SVEP1: variants seen among roughly 807,000 people sequenced by gnomAD.
SVEP1 encodes the protein sushi, von Willebrand factor type A, EGF and pentraxin domain containing 1, also known as sushi, von Willebrand factor type A, EGF and pentraxin domain-containing protein 1.
In SVEP1, 164 loss-of-function variants were observed where a neutral mutation model predicts 367.3. The ratio of observed to expected loss-of-function variants is 0.45; its 90% CI spans 0.39 to 0.51. SVEP1 has a LOEUF of 0.51. Among genes scored for constraint, SVEP1 ranks in the 20% least tolerant of loss-of-function variants. SVEP1 has a pLI of 0.00. For synonymous variants in SVEP1, 1,666 were observed against 1,611.6 expected (o/e 1.03, Z -0.81); for missense variants, 4,117 against 4,425.3 (o/e 0.93, Z 1.98).
chr9:110,448,306 C>T (rs769236465), intron 24 of SVEP1, among the ~76,000 whole-genome samples: 11 of 152,208 alleles, frequency 7.2e-5, no homozygotes, highest in Non-Finnish European at 1.5e-4. Flanking sequence ...CAGTACATGA[C>T]TTTTATTATT....
At chr9:110,390,166 T>C (rs1028050327) in intron 40 of SVEP1, among the ~76,000 whole-genome samples, 5 of 89,528 alleles carry the variant, frequency 5.6e-5, no homozygotes, top group African/African-American at 2.1e-4. Flanking sequence ...TACATACTTA[T>C]ATAAGTATGT....
intron 3 of SVEP1, among the ~76,000 whole-genome samples, chr9:110,517,638 T>C (rs796485978): frequency 1.1e-4 from 16 of 145,304 alleles, no homozygotes; most frequent in African/African-American, 4.1e-4. Flanking sequence ...GTGAGCATGG[T>C]GGTGCTTGAC....
chr9:110,458,502 T>C lies in SVEP1; in HGVS notation c.3545A>G (p.His1182Arg), dbSNP rs1451576554. 3 of 1,612,906 alleles carry C rather than the reference T, an allele frequency of 1.9e-6. No individual in the cohort carries two copies. Among genetic ancestry groups the C allele is most frequent in the African/African-American group, 1.3e-5 (1 of 74,914 alleles). ...ESVVPPASLG[H>R]IKKRHEISSQ... ...GCTGATTTCATGCCTCTTTTTAATA[T>C]GTCCAAGAGAGGCAGGGGGCACCAC... Residue 1182 changes from histidine (H) to arginine (R), a missense_variant, in exon 20 of 48, where the codon CAT becomes CGT. This residue lies in a region of SVEP1 where 2,174 missense variants were observed against 2,494.3 expected (regional missense o/e 0.87). Transcript: ENST00000374469.
chr9:110,476,620 G>A (rs1311680108), intron 13 of SVEP1, among the ~76,000 whole-genome samples: 1 of 151,914 alleles, frequency 6.6e-6, no homozygotes, highest in Non-Finnish European at 1.5e-5. Context: ...CCCTTTCTCT[G>A]ACCCCATCTC....
Position 110,549,976 on chromosome 9 carries a change from A to G in SVEP1, c.660T>C (p.Thr220=), listed in dbSNP as rs772324110. 6.2e-7 allele frequency: 1 copy of G among 1,613,966 alleles called. No homozygotes were observed. The highest frequency in any genetic ancestry group is 2.2e-5 in the East Asian group (1 of 44,878). The change falls in exon 2 of 48, where the codon ACT becomes ACC. Residue 220 remains threonine (T), a synonymous_variant. Transcript: ENST00000374469. ...GAATGTTCCCTTGCCATATGCCAAA[A>G]GTGAAGATCTCCACTCCTGAATCTC... The part of the protein sequence containing the change: ...SLRDSGVEIF[T]FGIWQGNIRE...
intron 11 of SVEP1, among the ~76,000 whole-genome samples, 169 bp from the exon 12 acceptor site, chr9:110,481,605 G>A (rs180922834): frequency 6.6e-6 from 1 of 152,142 alleles, no homozygotes; most frequent in Admixed American, 6.5e-5. Flanking sequence ...ATGCTTTTTG[G>A]TTCCTAGATT....
chr9:110,394,514 C>T (rs879004673), intron 40 of SVEP1, among the ~76,000 whole-genome samples: 155 of 152,282 alleles, frequency 1.0e-3, no homozygotes, highest in Middle Eastern at 6.8e-3. Flanking sequence ...ATGACTTTGA[C>T]GAGTTGAGAG....
At chr9:110,479,374 TA>T in intron 13 of SVEP1, among the ~76,000 whole-genome samples, 1 of 152,298 alleles carries the variant, frequency 6.6e-6, no homozygotes, top group East Asian at 1.9e-4. Context: ...CTTTAAATAA[TA>T]AAGGCATTCT....
chr9:110,530,659 C>G (rs375280955), intron 3 of SVEP1, among the ~76,000 whole-genome samples: 1 of 152,194 alleles, frequency 6.6e-6, no homozygotes, highest in South Asian at 2.1e-4. Context: ...GCCTCAGCCA[C>G]CCATTTAGCT....
chr9:110,540,509 A>G (rs1830130967), intron 3 of SVEP1, among the ~76,000 whole-genome samples: 1 of 152,262 alleles, frequency 6.6e-6, no homozygotes, highest in African/African-American at 2.4e-5. Flanking sequence ...ATTTACCACA[A>G]GAAAAGTATT....
chr9:110,442,027 C>T (rs1828516478), intron 27 of SVEP1, among the ~76,000 whole-genome samples: 1 of 152,204 alleles, frequency 6.6e-6, no homozygotes, highest in African/African-American at 2.4e-5. Context: ...ATACATCAAT[C>T]TTTTTCTAGC....
chr9:110,407,839 C>G lies in SVEP1; in HGVS notation c.7761G>C (p.Gln2587His). Reference sequence around the variant, plus strand: ...AGGTCTGCATGGCATGACCAGCCACCTGAAACCCAGGGAAGCAACTGTAGA... The same window carrying G: ...AGGTCTGCATGGCATGACCAGCCACGTGAAACCCAGGGAAGCAACTGTAGA... The part of the protein sequence containing the change: ...IIIYSCFPGF[Q>H]VAGHAMQTCE... Residue 2587 changes from glutamine to histidine, a missense_variant, in exon 38 of 48, where the codon CAG becomes CAC. Around this residue, in one of 4 missense-constraint regions of SVEP1, gnomAD observed 1,765 missense variants for 1,781.1 expected, o/e 0.99. Transcript: ENST00000374469. 2 of 1,614,012 alleles carry G rather than the reference C, an allele frequency of 1.2e-6. No individual in the cohort carries two copies. The highest frequency in any genetic ancestry group is 1.1e-5 in the South Asian group (1 of 91,086).
intron 40 of SVEP1, among the ~76,000 whole-genome samples, chr9:110,395,289 G>A (rs1435503521): frequency 6.6e-6 from 1 of 152,124 alleles, no homozygotes; most frequent in Non-Finnish European, 1.5e-5. Flanking sequence ...ATCCTTTACA[G>A]ACAAGCAAAT....
intron 42 of SVEP1, 83 bp downstream of exon 42, chr9:110,387,202 G>C: frequency 5.0e-6 from 7 of 1,413,158 alleles, no homozygotes; most frequent in Non-Finnish European, 6.6e-6. Flanking sequence ...CTTATGAGTG[G>C]AGCTTCCTCT....
chr9:110,392,905 C>G (rs1037485573), intron 40 of SVEP1, among the ~76,000 whole-genome samples: 63 of 152,028 alleles, frequency 4.1e-4, no homozygotes, highest in Non-Finnish European at 4.4e-5. Flanking sequence ...TGTTAGGTTC[C>G]CTGCTATTTT....
chr9:110,472,760 T>C (rs991009882), intron 14 of SVEP1, among the ~76,000 whole-genome samples: 2 of 152,196 alleles, frequency 1.3e-5, no homozygotes, highest in African/African-American at 4.8e-5. Flanking sequence ...TCTCCTCTCA[T>C]GAAGATTACT....
chr9:110,546,127 A>C lies in SVEP1; in HGVS notation c.952T>G (p.Tyr318Asp). The change falls in exon 3 of 48, where the codon TAT becomes GAT. Residue 318 changes from tyrosine to aspartate, a missense_variant. This residue lies in a region of SVEP1 where 2,174 missense variants were observed against 2,494.3 expected (regional missense o/e 0.87). Transcript: ENST00000374469. ...EKGYYGKGLQ[Y>D]ECTACPSGTY... is the part of the protein sequence containing the mutation. The stretch of plus-strand genomic sequence containing the variant: ...ATTGGAGACTCACCTGTGCATTCAT[A>C]CTGCAGACCTTTCCCGTAATACCCC... 3 of 1,552,396 alleles carry C rather than the reference A, an allele frequency of 1.9e-6. No homozygotes were observed. The highest frequency in any genetic ancestry group is 2.6e-6 in the Non-Finnish European group (3 of 1,147,138).
chr9:110,565,082 GGTTTT>G (rs1247801891), intron 1 of SVEP1, among the ~76,000 whole-genome samples: 4 of 152,138 alleles, frequency 2.6e-5, no homozygotes, highest in African/African-American at 4.8e-5. Context: ...AAGGTTTTGG[GGTTTT>G]GTTTTGTTTT....
chr9:110,478,535 G>T (rs908271366), intron 13 of SVEP1, among the ~76,000 whole-genome samples: 2 of 152,272 alleles, frequency 1.3e-5, no homozygotes, highest in East Asian at 1.9e-4. Context: ...ACATTTTAAA[G>T]ATTTCTTCAC....
Sources: gnomAD v4.1 joint callset for allele counts (sites outside exome capture counted in the v4.1 genomes callset) on GRCh38, gnomAD v4.1.1 for gene constraint, gnomAD v4.1.1 regional missense constraint, MANE v1.5 for transcripts, NCBI Gene and HGNC (gene_info 2026-07-23, HGNC 2026-07-21) for gene names.